Variants in PSD3 observed in about 807,000 individuals in gnomAD.
The protein encoded by PSD3 is pleckstrin and Sec7 domain containing 3.
A neutral mutation model predicts 105.5 loss-of-function variants in PSD3; 49 were observed. The observed-to-expected ratio is 0.46, with a 90% CI of 0.37 to 0.59. PSD3 has a LOEUF of 0.59. Ranked by LOEUF, PSD3 falls within the 20% of genes least tolerant of loss-of-function variation. The pLI, the probability that PSD3 is intolerant of heterozygous loss-of-function variation, is 0.00. For missense variants in PSD3, 1,561 were observed against 1,263.8 expected (o/e 1.24, Z -3.57); for synonymous variants, 557 against 457.8 (o/e 1.22, Z -2.77).
At chr8:18,760,537 C>G (rs1435320619) in intron 9 of PSD3, among the ~76,000 whole-genome samples, 1 of 152,124 alleles carries the variant, frequency 6.6e-6, no homozygotes, top group Non-Finnish European at 1.5e-5. Flanking sequence ...AGTGAAACGT[C>G]CTCCAGATTT....
chr8:18,761,199 G>GC (rs1046090127), intron 9 of PSD3, among the ~76,000 whole-genome samples: 10 of 152,176 alleles, frequency 6.6e-5, no homozygotes, highest in African/African-American at 1.9e-4. Context: ...TAAGGGTTAA[G>GC]CAAGATTCAT....
chr8:18,855,243 CT>C (rs1815914124), intron 4 of PSD3, among the ~76,000 whole-genome samples: 1 of 152,146 alleles, frequency 6.6e-6, no homozygotes, highest in African/African-American at 2.4e-5. Flanking sequence ...GTAATATGCC[CT>C]TTCAAGAATG....
At chr8:18,640,675 C>T (rs575195785) in intron 10 of PSD3, among the ~76,000 whole-genome samples, 9 of 152,244 alleles carry the variant, frequency 5.9e-5, no homozygotes, top group Admixed American at 5.9e-4. Context: ...ATAAATTACC[C>T]AGTCTTGGGC....
chr8:18,561,761 T>C (rs1801408921), intron 14 of PSD3, among the ~76,000 whole-genome samples: 2 of 152,188 alleles, frequency 1.3e-5, no homozygotes, highest in South Asian at 2.1e-4. Flanking sequence ...CAGAATTTCC[T>C]TTAAAATATT....
chr8:18,699,877 A>G lies in PSD3; in HGVS notation c.2173-44192T>C, dbSNP rs67238770. ...ATGAGATCCCCACCCAAAAAAAAAAACCACAAAAATCAAGCTGCAGATTCC... is the reference window on the plus strand; with the variant it reads ...ATGAGATCCCCACCCAAAAAAAAAAGCCACAAAAATCAAGCTGCAGATTCC... On this transcript the variant is annotated intron_variant, in intron 9 of 15. Coordinates refer to ENST00000327040, the MANE Select transcript of PSD3 (RefSeq NM_015310.4). Among the ~76,000 whole-genome samples the G allele has an allele frequency of 1.4e-4, 21 of 151,786 alleles. No individual in the cohort carries two copies. In the South Asian group the frequency reaches 3.9e-3, roughly 29 times the overall value.
At chr8:18,630,061 G>T (rs1806782778) in intron 11 of PSD3, among the ~76,000 whole-genome samples, 1 of 151,888 alleles carries the variant, frequency 6.6e-6, no homozygotes, top group East Asian at 1.9e-4. Flanking sequence ...CAACTGACAG[G>T]AAAGAAGCCT....
At chr8:19,005,813 A>G (rs1232487988) in intron 1 of PSD3, among the ~76,000 whole-genome samples, 3 of 151,910 alleles carry the variant, frequency 2.0e-5, no homozygotes, top group Admixed American at 2.0e-4. Flanking sequence ...AGTGATGAAT[A>G]TGCTCTAAAA....
At chr8:18,995,292 C>T (rs1307928465) in intron 1 of PSD3, among the ~76,000 whole-genome samples, 1 of 152,228 alleles carries the variant, frequency 6.6e-6, no homozygotes, top group South Asian at 2.1e-4. Context: ...GCAAATGAAA[C>T]TTGGCCTAGT....
chr8:18,541,915 G>C (rs1193420958), intron 15 of PSD3, among the ~76,000 whole-genome samples: 1 of 151,892 alleles, frequency 6.6e-6, no homozygotes, highest in African/African-American at 2.4e-5. Context: ...ACCACGCCTG[G>C]CTGATTTTGT....
chr8:18,662,879 T>C (rs531323980), intron 9 of PSD3, among the ~76,000 whole-genome samples: 2 of 152,188 alleles, frequency 1.3e-5, no homozygotes, highest in East Asian at 1.9e-4. Context: ...CATTTTAAAA[T>C]TGCAAATGAA....
chr8:18,776,926 C>A (rs1808154048), intron 8 of PSD3, among the ~76,000 whole-genome samples: 1 of 152,112 alleles, frequency 6.6e-6, no homozygotes, highest in African/African-American at 2.4e-5. Context: ...TCATAAGAGT[C>A]TCTAATGATT....
At chr8:18,625,229 T>A (rs1461769393) in intron 11 of PSD3, among the ~76,000 whole-genome samples, 1 of 149,764 alleles carries the variant, frequency 6.7e-6, no homozygotes, top group East Asian at 1.9e-4. Context: ...CTTCTCAACA[T>A]AAATTACGGA....
intron 9 of PSD3, among the ~76,000 whole-genome samples, chr8:18,672,771 A>C (rs865952464): frequency 6.6e-6 from 1 of 152,224 alleles, no homozygotes; most frequent in Non-Finnish European, 1.5e-5. Flanking sequence ...CTAGCAGCAG[A>C]ACATGGTCTA....
intron 9 of PSD3, among the ~76,000 whole-genome samples, chr8:18,752,625 T>A (rs1470614547): frequency 6.6e-5 from 6 of 91,516 alleles, no homozygotes; most frequent in East Asian, 2.9e-4. Context: ...ATAATATATA[T>A]TATATATAAT....
At chr8:19,030,251 T>C (rs568785133) in intron 1 of PSD3, among the ~76,000 whole-genome samples, 1 of 152,354 alleles carries the variant, frequency 6.6e-6, no homozygotes, top group African/African-American at 2.4e-5. Flanking sequence ...TTTTTTATGC[T>C]GTAATTTTGG....
intron 15 of PSD3, among the ~76,000 whole-genome samples, chr8:18,546,651 T>G (rs6992234): frequency 0.093 from 14,132 of 152,256 alleles, 1,283 homozygotes; most frequent in African/African-American, 0.24. Flanking sequence ...ATATTTAAGA[T>G]CTATTATCCT....
At chr8:18,827,711 T>C (rs1393519435) in intron 4 of PSD3, among the ~76,000 whole-genome samples, 3 of 151,948 alleles carry the variant, frequency 2.0e-5, no homozygotes, top group African/African-American at 4.8e-5. Flanking sequence ...AAGGATTCCA[T>C]GTAAAGTAAT....
chr8:18,804,058 G>A (rs1171476430), intron 6 of PSD3, among the ~76,000 whole-genome samples: 2 of 152,282 alleles, frequency 1.3e-5, no homozygotes, highest in Admixed American at 1.3e-4. Context: ...TTACCAGTAG[G>A]TGTAGACTAT....
chr8:18,668,767 G>A (rs1422725678), intron 9 of PSD3, among the ~76,000 whole-genome samples: 3 of 152,118 alleles, frequency 2.0e-5, no homozygotes, highest in African/African-American at 7.2e-5. Flanking sequence ...ATACACACCT[G>A]TGTACATATT....
Sources: gnomAD v4.1 joint callset for allele counts (sites outside exome capture counted in the v4.1 genomes callset) on GRCh38, gnomAD v4.1.1 for gene constraint, MANE v1.5 for transcripts, NCBI Gene and HGNC (gene_info 2026-07-23, HGNC 2026-07-21) for gene names.